TBC1D15: variants seen among roughly 807,000 people sequenced by gnomAD.
TBC1D15 encodes the protein GAP for RAB7.
In TBC1D15, 39 loss-of-function variants were observed where a neutral mutation model predicts 95.4. The ratio of observed to expected loss-of-function variants is 0.41; its 90% CI spans 0.32 to 0.53. The LOEUF is 0.53. TBC1D15 is among the 20% of genes least tolerant of loss of function. TBC1D15 has a pLI of 0.29. For missense variants in TBC1D15, 733 were observed against 794.3 expected (o/e 0.92, Z 0.93); for synonymous variants, 258 against 261.3 (o/e 0.99, Z 0.12).
At chr12:71,874,525 C>T (rs1893363303) in intron 3 of TBC1D15, among the ~76,000 whole-genome samples, 1 of 151,900 alleles carries the variant, frequency 6.6e-6, no homozygotes, top group South Asian at 2.1e-4. Flanking sequence ...TTTGAATCCA[C>T]AGATACAGAA....
Position 71,907,040 on chromosome 12 carries a change from C to G in TBC1D15, c.1202C>G (p.Thr401Arg). The G allele has an allele frequency of 6.2e-7, 1 of 1,606,596 alleles. No homozygotes were observed. The highest frequency in any genetic ancestry group is 8.5e-7 in the Non-Finnish European group (1 of 1,177,150). ...TCTTCAGAAAAAGATGTTAACAGAA[C>G]AGATCGAACAAACAAGTTTTATGAA... ...RSLIEKDVNR[T>R]DRTNKFYEGQ... The change falls in exon 11 of 17, where the codon ACA (threonine) becomes AGA (arginine). Residue 401 changes from threonine to arginine, a missense_variant. Physicochemically the swap from Thr to Arg is moderately conservative, Grantham distance 71. Transcript: ENST00000485960.
chr12:71,869,340 T>C (rs1252909972), intron 1 of TBC1D15, among the ~76,000 whole-genome samples: 1 of 152,104 alleles, frequency 6.6e-6, no homozygotes, highest in Non-Finnish European at 1.5e-5. Flanking sequence ...GTGGCCAACG[T>C]GGTGAAACCC....
At chr12:71,914,953 G>A (rs1325930245) in intron 12 of TBC1D15, among the ~76,000 whole-genome samples, 1 of 151,456 alleles carries the variant, frequency 6.6e-6, no homozygotes, top group Non-Finnish European at 1.5e-5. Context: ...ACTTGTTTTT[G>A]CTTCTTTCAG....
Position 71,884,918 on chromosome 12 carries a change from G to T in TBC1D15, c.451G>T (p.Val151Leu), listed in dbSNP as rs756666077. 3 of 1,614,010 alleles carry T rather than the reference G, an allele frequency of 1.9e-6. No individual in the cohort carries two copies. In the South Asian group the frequency reaches 3.3e-5, roughly 18 times the overall value. ...AGAGGGTATGGGCTGGTCCTATTTG[G>T]TATTCTGTCTAAAGGATGACGTCGT... ...NKEGMGWSYL[V>L]FCLKDDVVLP... The change falls in exon 5 of 17, where the codon GTA (valine) becomes TTA (leucine). Residue 151 changes from valine to leucine, a missense_variant. Coordinates refer to ENST00000485960, the MANE Select transcript of TBC1D15 (RefSeq NM_001146213.3).
At chr12:71,902,205 A>T (rs187780261) in intron 10 of TBC1D15, among the ~76,000 whole-genome samples, 1 of 152,318 alleles carries the variant, frequency 6.6e-6, no homozygotes, top group East Asian at 1.9e-4. Flanking sequence ...CAAACTACCA[A>T]TGACATTTTT....
intron 5 of TBC1D15, among the ~76,000 whole-genome samples, chr12:71,892,676 A>G (rs1352222531): frequency 6.6e-6 from 1 of 151,836 alleles, no homozygotes; most frequent in Non-Finnish European, 1.5e-5. Flanking sequence ...GTGTGTTTGT[A>G]ATTATGGTTA....
At chr12:71,849,865 C>A in intron 1 of TBC1D15, 1 of 571,080 alleles carries the variant, frequency 1.8e-6, no homozygotes, top group Non-Finnish European at 3.4e-6. Flanking sequence ...TTGCTTCTGT[C>A]TATAGAAGAA....
At chr12:71,861,481 G>T (rs1344692620) in intron 1 of TBC1D15, 1 of 1,537,864 alleles carries the variant, frequency 6.5e-7, no homozygotes, top group Non-Finnish European at 8.8e-7. Context: ...GTTTGTTGGA[G>T]TATGGTAGGA....
At chr12:71,881,380 C>T (rs1189637342) in intron 4 of TBC1D15, among the ~76,000 whole-genome samples, 1 of 152,186 alleles carries the variant, frequency 6.6e-6, no homozygotes, top group Non-Finnish European at 1.5e-5. Context: ...ATAAAGATCA[C>T]TTTATTAGTG....
intron 4 of TBC1D15, 28 bp downstream of exon 4, chr12:71,880,635 A>G (rs1391767400): frequency 1.9e-6 from 3 of 1,585,670 alleles, no homozygotes; most frequent in Non-Finnish European, 2.6e-6. Context: ...TGAAATCTTA[A>G]ACTGATTTGC....
intron 6 of TBC1D15, 107 bp downstream of exon 6, chr12:71,893,431 T>C (rs1897569134): frequency 5.4e-6 from 3 of 558,828 alleles, no homozygotes; most frequent in African/African-American, 4.0e-5. Flanking sequence ...TACATATATA[T>C]ACATAGATAT....
chr12:71,866,017 T>C (rs1891423542), intron 1 of TBC1D15, among the ~76,000 whole-genome samples: 1 of 152,074 alleles, frequency 6.6e-6, no homozygotes, highest in African/African-American at 2.4e-5. Flanking sequence ...AAGTCCTGTT[T>C]TCCCAGAAGG....
intron 5 of TBC1D15, among the ~76,000 whole-genome samples, chr12:71,888,773 G>A (rs1042495503): frequency 6.6e-6 from 1 of 151,854 alleles, no homozygotes. Context: ...TCCCTGGGAA[G>A]GAGAGTGTCT....
intron 10 of TBC1D15, among the ~76,000 whole-genome samples, chr12:71,900,957 G>A (rs1169386281): frequency 6.6e-6 from 1 of 152,120 alleles, no homozygotes; most frequent in African/African-American, 2.4e-5. Context: ...AAGAAATAAT[G>A]GGCATCCAGA....
intron 1 of TBC1D15, among the ~76,000 whole-genome samples, chr12:71,856,805 T>C (rs1889183932): frequency 6.6e-6 from 1 of 152,206 alleles, no homozygotes; most frequent in Non-Finnish European, 1.5e-5. Context: ...CCATATATGC[T>C]GAGCCTTAAG....
intron 14 of TBC1D15, among the ~76,000 whole-genome samples, chr12:71,919,743 C>T (rs1868526901): frequency 6.6e-6 from 1 of 152,058 alleles, no homozygotes; most frequent in African/African-American, 2.4e-5. Flanking sequence ...TATTGGAACG[C>T]TAAGCATGTG....
chr12:71,860,381 A>G (rs911536592), intron 1 of TBC1D15, among the ~76,000 whole-genome samples: 1 of 152,224 alleles, frequency 6.6e-6, no homozygotes, highest in African/African-American at 2.4e-5. Context: ...CTTCCAATCT[A>G]TGAACATGGA....
chr12:71,856,786 T>C (rs1303106312), intron 1 of TBC1D15, among the ~76,000 whole-genome samples: 2 of 152,208 alleles, frequency 1.3e-5, no homozygotes, highest in Non-Finnish European at 2.9e-5. Context: ...GGAACAATTT[T>C]GTCAGTGTCC....
intron 3 of TBC1D15, among the ~76,000 whole-genome samples, chr12:71,873,398 T>C (rs1448098018): frequency 1.3e-5 from 2 of 152,200 alleles, no homozygotes; most frequent in Non-Finnish European, 2.9e-5. Context: ...TGTATGGTCC[T>C]TTTGTTTTTG....
Sources: gnomAD v4.1 joint callset for allele counts (sites outside exome capture counted in the v4.1 genomes callset) on GRCh38, gnomAD v4.1.1 for gene constraint, MANE v1.5 for transcripts, NCBI Gene and HGNC (gene_info 2026-07-23, HGNC 2026-07-21) for gene names.